Variants in NELL1 observed in about 807,000 individuals in gnomAD.
NELL1 encodes the protein neural EGFL like 1.
A neutral mutation model predicts 107.4 loss-of-function variants in NELL1; 76 were observed. The ratio of observed to expected loss-of-function variants is 0.71; its 90% CI spans 0.59 to 0.86. The LOEUF (loss-of-function observed/expected upper bound fraction) is 0.86. Ranked by LOEUF, NELL1 falls within the 40% of genes least tolerant of loss-of-function variation. The probability of loss-of-function intolerance (pLI) is 0.00; values close to 1 mark genes in which losing one functional copy is unlikely to be tolerated. For synonymous variants in NELL1, 353 were observed against 341.2 expected, an observed-to-expected ratio of 1.03 and a Z score of -0.38; for missense variants, 1,024 against 1,005.5, an observed-to-expected ratio of 1.02 and a Z score of -0.25.
intron 3 of NELL1, among the ~76,000 whole-genome samples, chr11:20,809,174 T>C (rs1176894614): frequency 6.6e-6 from 1 of 152,196 alleles, no homozygotes; most frequent in African/African-American, 2.4e-5. Context: ...AGTGTTTTTG[T>C]TTAAGTAGTT....
chr11:20,688,746 T>C (rs11025697), intron 2 of NELL1, among the ~76,000 whole-genome samples: 13,854 of 152,176 alleles, frequency 0.091, 829 homozygotes, highest in Non-Finnish European at 0.13. Flanking sequence ...TTTGGATATA[T>C]GTATTATATA....
chr11:20,887,019 C>T (rs372776799), intron 5 of NELL1, among the ~76,000 whole-genome samples: 14 of 152,218 alleles, frequency 9.2e-5, no homozygotes, highest in Admixed American at 5.9e-4. Context: ...TCTCCTCACC[C>T]GAAGCCTTTA....
Position 20,956,456 on chromosome 11 carries a change from C to G in NELL1, c.1172-3976C>G, listed in dbSNP as rs1590460235. Among the ~76,000 whole-genome samples the G allele has an allele frequency of 3.3e-5, 5 of 152,054 alleles. No individual in the cohort carries two copies. The South Asian group carries it at 1.0e-3, about 32-fold the overall frequency. On this transcript the variant is annotated intron_variant, in intron 11 of 19. Coordinates refer to ENST00000357134, the MANE Select transcript of NELL1 (RefSeq NM_006157.5). ...GGTCAGGAGATTGAGACTGTCCTGG[C>G]TATCACGGTGAAACCCCGTCTCTAC...
intron 3 of NELL1, among the ~76,000 whole-genome samples, chr11:20,791,552 C>T (rs1388299033): frequency 6.6e-6 from 1 of 152,124 alleles, no homozygotes; most frequent in Admixed American, 6.5e-5. Context: ...CTACCTGCTG[C>T]CTGTTAGTTC....
chr11:20,897,114 A>C (rs1054180748), intron 5 of NELL1, among the ~76,000 whole-genome samples: 4 of 152,324 alleles, frequency 2.6e-5, no homozygotes, highest in African/African-American at 9.6e-5. Context: ...AGTCAATCCT[A>C]AGCCAAAAGA....
At chr11:21,547,375 C>T (rs12421940) in intron 16 of NELL1, among the ~76,000 whole-genome samples, 17,934 of 151,418 alleles carry the variant, frequency 0.12, 1,118 homozygotes, top group Middle Eastern at 0.17. Context: ...GCTTCATCCA[C>T]AAACCCTATA....
intron 12 of NELL1, among the ~76,000 whole-genome samples, chr11:21,047,778 G>A (rs746280373): frequency 3.9e-5 from 6 of 152,128 alleles, no homozygotes; most frequent in Admixed American, 6.6e-5. Flanking sequence ...CTCACAATTA[G>A]TTTAATGTTA....
intron 15 of NELL1, among the ~76,000 whole-genome samples, chr11:21,387,795 C>A (rs532077678): frequency 1.3e-5 from 2 of 151,776 alleles, no homozygotes; most frequent in Non-Finnish European, 2.9e-5. Context: ...AGACTTTCTT[C>A]ATCATTCTTA....
chr11:21,216,779 C>T (rs1319013246), intron 13 of NELL1, among the ~76,000 whole-genome samples: 1 of 152,116 alleles, frequency 6.6e-6, no homozygotes, highest in Non-Finnish European at 1.5e-5. Flanking sequence ...ATTTTGCAGG[C>T]TTATAGGCAG....
chr11:21,435,367 G>A (rs1012033098), intron 15 of NELL1, among the ~76,000 whole-genome samples: 1 of 151,378 alleles, frequency 6.6e-6, no homozygotes, highest in African/African-American at 2.4e-5. Flanking sequence ...TCCTTCAGTA[G>A]CACTTTGTTG....
At chr11:21,429,536 G>A (rs1227560960) in intron 15 of NELL1, among the ~76,000 whole-genome samples, 1 of 152,174 alleles carries the variant, frequency 6.6e-6, no homozygotes, top group Non-Finnish European at 1.5e-5. Flanking sequence ...CACCTTCAAT[G>A]CAGTGCATGA....
chr11:21,484,051 A>G (rs1854565446), intron 15 of NELL1, among the ~76,000 whole-genome samples: 1 of 138,558 alleles, frequency 7.2e-6, no homozygotes, highest in African/African-American at 2.7e-5. Context: ...TGACCTCATT[A>G]TATAAAATAT....
rs1853225375 is a variant in NELL1, at chr11:21,041,314, T to C, written c.1301-72275T>C. Among the ~76,000 whole-genome samples the C allele has an allele frequency of 2.0e-5, 3 of 152,198 alleles. No individual in the cohort carries two copies. The South Asian group carries it at 6.2e-4, about 31-fold the overall frequency. On this transcript the variant is annotated intron_variant, in intron 12 of 19. Transcript: ENST00000357134. ...CTTTGAGTTAACACAACATAGTTAA[T>C]TGTTAATAAAAATAGTTAATATAAA...
At chr11:20,893,264 G>A (rs1047114159) in intron 5 of NELL1, among the ~76,000 whole-genome samples, 2 of 151,806 alleles carry the variant, frequency 1.3e-5, no homozygotes, top group African/African-American at 4.8e-5. Context: ...GTTGGGGGGT[G>A]AGGGGTGAGG....
intron 14 of NELL1, among the ~76,000 whole-genome samples, chr11:21,274,990 C>T (rs980838786): frequency 6.6e-6 from 1 of 152,036 alleles, no homozygotes; most frequent in Non-Finnish European, 1.5e-5. Context: ...ATTAAAAGAA[C>T]TAGGGAAGCA....
At chr11:21,087,660 G>T (rs1034179498) in intron 12 of NELL1, among the ~76,000 whole-genome samples, 1 of 152,222 alleles carries the variant, frequency 6.6e-6, no homozygotes, top group East Asian at 1.9e-4. Flanking sequence ...CAGGAAGGAG[G>T]GAGTATGAGA....
chr11:21,433,902 C>A (rs1003606328), intron 15 of NELL1, among the ~76,000 whole-genome samples: 1 of 151,956 alleles, frequency 6.6e-6, no homozygotes, highest in Non-Finnish European at 1.5e-5. Context: ...CTCGAACTCC[C>A]GGCCTCAGGT....
intron 15 of NELL1, among the ~76,000 whole-genome samples, chr11:21,461,781 C>A (rs77249142): frequency 0.062 from 9,440 of 152,156 alleles, 363 homozygotes; most frequent in African/African-American, 0.1. Flanking sequence ...GGCTCCACAG[C>A]CAGTTTCTGT....
chr11:21,214,447 A>G (rs1857569975), intron 13 of NELL1, among the ~76,000 whole-genome samples: 1 of 152,192 alleles, frequency 6.6e-6, no homozygotes, highest in Non-Finnish European at 1.5e-5. Context: ...GATATACTCA[A>G]CACCATTGGC....
Sources: allele counts gnomAD v4.1 joint callset (sites outside exome capture counted in the v4.1 genomes callset), GRCh38; gene constraint gnomAD v4.1.1; transcripts MANE v1.5; gene names NCBI Gene and HGNC (gene_info 2026-07-23, HGNC 2026-07-21).